Variants in PDZD2 observed in about 807,000 individuals in gnomAD.
PDZD2 encodes PDZ domain containing 2, also known as PDZ domain-containing protein 2.
In PDZD2, 90 loss-of-function variants were observed where a neutral mutation model predicts 220.7. That is an observed-to-expected ratio of 0.41 (90% confidence interval 0.34 to 0.49). The LOEUF (loss-of-function observed/expected upper bound fraction) is 0.49. PDZD2 is among the 20% of genes least tolerant of loss of function. The pLI is 0.28. For missense variants in PDZD2, 3,174 were observed against 3,608.5 expected (o/e 0.88, Z 3.08); for synonymous variants, 1,375 against 1,450.5 (o/e 0.95, Z 1.18).
intron 4 of PDZD2, among the ~76,000 whole-genome samples, chr5:31,997,107 G>A (rs1751698214): frequency 6.6e-6 from 1 of 152,084 alleles, no homozygotes; most frequent in Admixed American, 6.5e-5. Context: ...TATGTTGTAT[G>A]CCCACACATA....
intron 2 of PDZD2, among the ~76,000 whole-genome samples, chr5:31,868,205 G>A (rs1173691808): frequency 1.3e-5 from 2 of 152,192 alleles, no homozygotes; most frequent in African/African-American, 4.8e-5. Context: ...CAGCACTTTG[G>A]GAGGCTGAGG....
intron 1 of PDZD2, among the ~76,000 whole-genome samples, chr5:31,790,308 G>A (rs1214415355): frequency 2.0e-5 from 3 of 152,280 alleles, no homozygotes; most frequent in Admixed American, 1.3e-4. Context: ...ACGTTGGCCA[G>A]GATTGTCTCA....
intron 2 of PDZD2, among the ~76,000 whole-genome samples, chr5:31,870,216 A>G (rs1331307337): frequency 6.6e-6 from 1 of 152,126 alleles, no homozygotes; most frequent in East Asian, 1.9e-4. Context: ...GGCATTTGAG[A>G]GAAAATGTGG....
At chr5:31,903,654 A>G (rs1458263852) in intron 2 of PDZD2, among the ~76,000 whole-genome samples, 1 of 151,012 alleles carries the variant, frequency 6.6e-6, no homozygotes, top group East Asian at 1.9e-4. Context: ...CAAAAAAAAA[A>G]AAAAAAAAAG....
intron 6 of PDZD2, among the ~76,000 whole-genome samples, chr5:32,027,998 C>T (rs1253797154): frequency 1.3e-5 from 2 of 152,106 alleles, no homozygotes; most frequent in African/African-American, 2.4e-5. Context: ...AACAGAGCTT[C>T]CTGGGGATTT....
intron 6 of PDZD2, among the ~76,000 whole-genome samples, chr5:32,025,520 T>C (rs7728136): frequency 0.61 from 82,712 of 136,048 alleles, 23,542 homozygotes; most frequent in South Asian, 0.67. Flanking sequence ...AGTGAAACTC[T>C]GTCACAAAAC....
chr5:31,785,177 T>C lies in PDZD2; in HGVS notation c.-360-13712T>C, dbSNP rs561110320. 4.6e-5 allele frequency among the ~76,000 whole-genome samples: 7 copies of C among 152,128 alleles called. No individual in the cohort carries two copies. In the South Asian group the frequency reaches 1.5e-3, roughly 32 times the overall value. On this transcript the variant is annotated intron_variant, in intron 1 of 24. Coordinates refer to ENST00000438447, the MANE Select transcript of PDZD2 (RefSeq NM_178140.4). ...AATTGTCTTTCCAATTGAAAATGAA[T>C]GAATGAGCTTTCTTGCTGGTAACTG...
intron 1 of PDZD2, among the ~76,000 whole-genome samples, chr5:31,655,036 C>G (rs560073604): frequency 2.6e-5 from 4 of 152,290 alleles, no homozygotes; most frequent in African/African-American, 9.6e-5. Context: ...ATGTAGCAGA[C>G]TCTCCCTCAC....
intron 2 of PDZD2, among the ~76,000 whole-genome samples, chr5:31,914,716 G>A (rs562908410): frequency 3.3e-5 from 5 of 152,278 alleles, no homozygotes; most frequent in South Asian, 2.1e-4. Flanking sequence ...ATGATGAAAC[G>A]GAGACAATAA....
Position 32,010,321 on chromosome 5 carries a change from T to C in PDZD2, c.1255-9T>C, listed in dbSNP as rs747133058. 2 of 1,589,818 alleles carry C rather than the reference T, an allele frequency of 1.3e-6. No homozygotes were observed. Among genetic ancestry groups the C allele is most frequent in the African/African-American group, 1.3e-5 (1 of 74,206 alleles). On this transcript the variant is annotated splice_polypyrimidine_tract_variant and intron_variant, in intron 5 of 24. Transcript: ENST00000438447. The stretch of plus-strand genomic sequence containing the variant: ...ATTCATGGATGGGCCTTTAATTGTG[T>C]CCCCATAGGAAAACTCCGCAGAGGA...
chr5:31,949,193 C>G (rs567200552), intron 2 of PDZD2, among the ~76,000 whole-genome samples: 91 of 151,120 alleles, frequency 6.0e-4, no homozygotes, highest in African/African-American at 2.1e-3. Context: ...AATCTTGGAG[C>G]AGTAGAAGGA....
intron 2 of PDZD2, among the ~76,000 whole-genome samples, chr5:31,895,233 C>A (rs1265083792): frequency 2.0e-5 from 3 of 152,218 alleles, no homozygotes; most frequent in Admixed American, 6.5e-5. Flanking sequence ...ATGTTTTTGT[C>A]CCCCTACAGT....
intron 1 of PDZD2, among the ~76,000 whole-genome samples, chr5:31,649,270 C>T (rs575458835): frequency 6.6e-6 from 1 of 151,988 alleles, no homozygotes; most frequent in Non-Finnish European, 1.5e-5. Flanking sequence ...GGCTCCTTGC[C>T]CCAGTCCACC....
chr5:31,716,913 G>T (rs963782864), intron 1 of PDZD2, among the ~76,000 whole-genome samples: 2 of 152,182 alleles, frequency 1.3e-5, no homozygotes, highest in African/African-American at 2.4e-5. Flanking sequence ...TAGGGCAGGG[G>T]GCCCTGTGTG....
At chr5:31,712,172 C>T (rs974604213) in intron 1 of PDZD2, 1 of 152,220 alleles carries the variant, frequency 6.6e-6, no homozygotes. Flanking sequence ...GAGTGGGTCC[C>T]GTGAACAGAT....
At position 32,108,353 on chromosome 5, in the gene PDZD2, G is replaced by C. The variant is rs1047487368; in HGVS notation, c.*218G>C. The C allele has an allele frequency of 1.7e-4, 62 of 369,878 alleles. No homozygotes were observed. Among genetic ancestry groups the C allele is most frequent in the Non-Finnish European group, 2.2e-4 (45 of 207,850 alleles). 22.9% of individuals were successfully genotyped at this position (369,878 alleles called of 1,614,324 possible). A position where few individuals can be genotyped will look rare whatever the true frequency, so the allele number is the denominator to read the frequency against. Reference sequence around the variant, plus strand: ...CCACCTGCGTCACCCAGGCCGGGAGGGTTCCTTCGTTCCAGTGCCTGTCCC... The same window carrying C: ...CCACCTGCGTCACCCAGGCCGGGAGCGTTCCTTCGTTCCAGTGCCTGTCCC... On this transcript the variant is annotated 3_prime_UTR_variant, in exon 25 of 25. Coordinates refer to ENST00000438447, the MANE Select transcript of PDZD2 (RefSeq NM_178140.4).
chr5:31,855,283 G>A (rs573894576), intron 2 of PDZD2: 193 of 217,960 alleles, frequency 8.9e-4, no homozygotes, highest in African/African-American at 4.3e-3. Context: ...TCGGAGGCGC[G>A]GAGCGGCCAC....
rs748850220 is a variant in PDZD2 at position 31,995,536 on chromosome 5, T to C, written c.979-40T>C. On this transcript the variant is annotated intron_variant, in intron 3 of 24. Coordinates refer to ENST00000438447, the MANE Select transcript of PDZD2 (RefSeq NM_178140.4). The stretch of plus-strand genomic sequence containing the variant: ...TTCTCCTGTGTCAATGCCGTGTGTC[T>C]GTCAACCTCCTTCATGGTGTGCTCA... 3 of 1,613,028 alleles carry C rather than the reference T, an allele frequency of 1.9e-6. No homozygotes were observed. The South Asian group carries it at 3.3e-5, about 18-fold the overall frequency.
intron 18 of PDZD2, among the ~76,000 whole-genome samples, chr5:32,077,261 A>G (rs559879107): frequency 1.0e-5 from 1 of 97,116 alleles, no homozygotes; most frequent in African/African-American, 3.1e-5. Flanking sequence ...TTAGAGTTGA[A>G]AAAAATGGAG....
Sources: gnomAD v4.1 joint callset for allele counts (sites outside exome capture counted in the v4.1 genomes callset) on GRCh38, gnomAD v4.1.1 for gene constraint, MANE v1.5 for transcripts, NCBI Gene and HGNC (gene_info 2026-07-23, HGNC 2026-07-21) for gene names.